RNF213: variants seen among roughly 807,000 people sequenced by gnomAD.
The protein encoded by RNF213 is E3 ubiquitin-protein ligase RNF213.
In RNF213, 341 loss-of-function variants were observed where a neutral mutation model predicts 514.4. That is an observed-to-expected ratio of 0.66 (90% CI 0.61 to 0.73). RNF213 has a LOEUF of 0.73. RNF213 is among the 30% of genes least tolerant of loss of function. The pLI, the probability that RNF213 is intolerant of heterozygous loss-of-function variation, is 0.00. For synonymous variants in RNF213, 2,655 were observed against 2,658.2 expected (o/e 1.00, Z 0.04); for missense variants, 5,767 against 6,615.6 (o/e 0.87, Z 4.45).
chr17:80,302,657 A>G (rs965182052), intron 11 of RNF213, among the ~76,000 whole-genome samples: 1 of 152,062 alleles, frequency 6.6e-6, no homozygotes, highest in Non-Finnish European at 1.5e-5. Context: ...GGAGTTCAAG[A>G]CCAGTCTGGG....
intron 5 of RNF213, 34 bp from the exon 6 acceptor site, chr17:80,289,625 G>T: frequency 6.2e-7 from 1 of 1,605,662 alleles, no homozygotes; most frequent in South Asian, 1.1e-5. Flanking sequence ...GTGGAGGCCG[G>T]CCTTCAAGGT....
intron 67 of RNF213, 120 bp downstream of exon 67, chr17:80,390,316 G>T: frequency 8.4e-7 from 1 of 1,190,614 alleles, no homozygotes. Context: ...CCTGCTTTTT[G>T]TCATTACCAG....
chr17:80,376,646 T>C (rs2079772816), intron 52 of RNF213, 103 bp downstream of exon 52: 2 of 1,477,482 alleles, frequency 1.4e-6, no homozygotes, highest in Admixed American at 3.7e-5. Context: ...AGCATCTTTA[T>C]CTCCTCAGTT....
chr17:80,348,756 A>G lies in RNF213; in HGVS notation c.9951+470A>G, dbSNP rs539118505. On this transcript the variant is annotated intron_variant, in intron 29 of 67. Transcript: ENST00000582970. ...AGGAGAAGCCCCTCGCCGATGGGGA[A>G]GAATGGCCGGGAAGGGATTGTAGGC... 4.6e-5 allele frequency among the ~76,000 whole-genome samples: 7 copies of G among 152,342 alleles called. No individual in the cohort carries two copies. In the East Asian group the frequency reaches 1.2e-3, roughly 25 times the overall value.
chr17:80,306,506 C>T, intron 12 of RNF213, 38 bp downstream of exon 12: 1 of 1,559,856 alleles, frequency 6.4e-7, no homozygotes, highest in South Asian at 1.1e-5. Context: ...CCTGGCTTAG[C>T]AAAAGCAGAC....
At chr17:80,285,612 C>T (rs936644747) in intron 3 of RNF213, among the ~76,000 whole-genome samples, 3 of 152,148 alleles carry the variant, frequency 2.0e-5, no homozygotes, top group Admixed American at 6.5e-5. Flanking sequence ...CTGCTGATGA[C>T]GCCACTCTAC....
intron 26 of RNF213, 160 bp downstream of exon 26, chr17:80,340,516 G>A: frequency 1.5e-6 from 1 of 678,154 alleles, no homozygotes; most frequent in Non-Finnish European, 2.5e-6. Flanking sequence ...CCAGAACCAG[G>A]CACCCTGGTC....
At chr17:80,283,085 C>T (rs1239626178) in intron 3 of RNF213, among the ~76,000 whole-genome samples, 1 of 152,078 alleles carries the variant, frequency 6.6e-6, no homozygotes, top group African/African-American at 2.4e-5. Flanking sequence ...TACTTCTAAG[C>T]CTCACCCCCC....
rs2144184552 is a variant in RNF213 at position 80,350,338 on chromosome 17, A to AT, written c.10131dup (p.Gln3378SerfsTer5). ...GAATACAGCCAAATGTAAAATCCTC[A>AT]TTTTTCAGACAGATTTTGAAGATGG... On this transcript the variant is annotated frameshift_variant, in exon 31 of 68. Coordinates refer to ENST00000582970, the MANE Select transcript of RNF213 (RefSeq NM_001256071.3). LOFTEE classifies it high-confidence loss of function. The AT allele has an allele frequency of 6.2e-7, 1 of 1,611,672 alleles. No homozygotes were observed. Among genetic ancestry groups the AT allele is most frequent in the Non-Finnish European group, 8.5e-7 (1 of 1,178,016 alleles).
chr17:80,332,384 C>G lies in RNF213; in HGVS notation c.3896C>G (p.Thr1299Ser). The part of the protein sequence containing the change: ...LHQDLKSGEV[T>S]LAEIDVIFKD... ...CAGGATCTAAAGTCAGGAGAGGTCA[C>G]CCTTGCAGAGATTGATGTCATCTTC... The change falls in exon 21 of 68, where the codon ACC (threonine) becomes AGC (serine). Residue 1299 changes from threonine to serine, a missense_variant. Coordinates refer to ENST00000582970, the MANE Select transcript of RNF213 (RefSeq NM_001256071.3). 1.3e-6 allele frequency: 2 copies of G among 1,537,156 alleles called. No individual in the cohort carries two copies. Among genetic ancestry groups the G allele is most frequent in the South Asian group, 2.4e-5 (2 of 84,062 alleles).
chr17:80,291,054 C>T (rs967158966), intron 7 of RNF213, among the ~76,000 whole-genome samples: 8 of 152,020 alleles, frequency 5.3e-5, no homozygotes, highest in East Asian at 1.9e-4. Context: ...TCAGGTGATC[C>T]GCCCGCCTAG....
chr17:80,372,267 T>C (rs562293251), intron 47 of RNF213, among the ~76,000 whole-genome samples: 1 of 152,304 alleles, frequency 6.6e-6, no homozygotes, highest in African/African-American at 2.4e-5. Flanking sequence ...ATCTTCATAT[T>C]TTTATATCCA....
chr17:80,298,224 G>T, intron 10 of RNF213, 97 bp from the exon 11 acceptor site: 1 of 1,264,016 alleles, frequency 7.9e-7, no homozygotes, highest in South Asian at 1.3e-5. Context: ...CTCTTGCTCT[G>T]TGTGCACGGT....
chr17:80,368,704 A>T (rs1025310500), intron 44 of RNF213, among the ~76,000 whole-genome samples: 1 of 152,184 alleles, frequency 6.6e-6, no homozygotes, highest in African/African-American at 2.4e-5. Context: ...AAGTGCAGGG[A>T]TTACAGGCAT....
Position 80,363,792 on chromosome 17 carries a change from T to A in RNF213, c.11750+2T>A, listed in dbSNP as rs1361397819. ...CCAGGCTGTCATCAGGGAAGTCAGG[T>A]GAGACCCAGGAGCCCTCACCCACTG... On this transcript the variant is annotated splice_donor_variant, in intron 41 of 67. Transcript: ENST00000582970. LOFTEE classifies it high-confidence loss of function. The A allele has an allele frequency of 6.2e-7, 1 of 1,612,570 alleles. No homozygotes were observed.
At chr17:80,332,686 C>A in intron 21 of RNF213, 55 bp downstream of exon 21, 1 of 1,443,006 alleles carries the variant, frequency 6.9e-7, no homozygotes, top group East Asian at 2.5e-5. Flanking sequence ...GCCTCAGCCT[C>A]TTCAGGAGCC....
At chr17:80,373,569 G>A (rs2079612247) in intron 49 of RNF213, among the ~76,000 whole-genome samples, 1 of 152,116 alleles carries the variant, frequency 6.6e-6, no homozygotes, top group Non-Finnish European at 1.5e-5. Context: ...TTCACTCAAG[G>A]AAAGTAGAAC....
intron 13 of RNF213, 80 bp from the exon 14 acceptor site, chr17:80,308,938 G>A: frequency 6.5e-7 from 1 of 1,539,970 alleles, no homozygotes; most frequent in East Asian, 2.2e-5. Context: ...TTTGAAGGAA[G>A]GAGCTAGTCA....
Position 80,364,472 on chromosome 17 carries a change from G to A in RNF213, c.11790G>A (p.Val3930=). 6.2e-7 allele frequency: 1 copy of A among 1,614,162 alleles called. No homozygotes were observed. Among genetic ancestry groups the A allele is most frequent in the Non-Finnish European group, 8.5e-7 (1 of 1,180,030 alleles). ...WSRIFSTALF[V]EHVLLGTESR... ...GGATTTTCTCCACCGCACTCTTCGT[G>A]GAGCACGTGCTCCTAGGAACCGAGA... The change falls in exon 42 of 68, where the codon GTG becomes GTA. Residue 3930 remains valine, a synonymous_variant. Transcript: ENST00000582970.
Sources: allele counts gnomAD v4.1 joint callset (sites outside exome capture counted in the v4.1 genomes callset), GRCh38; gene constraint gnomAD v4.1.1; transcripts MANE v1.5; gene names NCBI Gene and HGNC (gene_info 2026-07-23, HGNC 2026-07-21).